ZFPM2: variants seen among roughly 807,000 people sequenced by gnomAD.
ZFPM2 encodes zinc finger protein ZFPM2.
Under a neutral mutation model 98.6 loss-of-function variants are expected in ZFPM2, and 20 were observed. The ratio of observed to expected loss-of-function variants is 0.20; its 90% CI spans 0.14 to 0.29. ZFPM2 has a LOEUF of 0.29. Ranked by LOEUF, ZFPM2 falls within the 10% of genes least tolerant of loss-of-function variation. The pLI, the probability that ZFPM2 is intolerant of heterozygous loss-of-function variation, is 1.00. For missense variants in ZFPM2, 1,310 were observed against 1,388.6 expected (o/e 0.94, Z 0.90); for synonymous variants, 518 against 502.7 (o/e 1.03, Z -0.41).
chr8:105,802,490 T>C lies in ZFPM2; in HGVS notation c.2408T>C (p.Leu803Pro). 1 of 1,612,884 alleles carries C rather than the reference T, an allele frequency of 6.2e-7. No individual in the cohort carries two copies. The highest frequency in any genetic ancestry group is 8.5e-7 in the Non-Finnish European group (1 of 1,179,414). ...GIVSKHLETS[L>P]TINKCVPVSK... ...GTCTCTAAACACTTGGAAACTTCTC[T>C]GACGATCAACAAGTGTGTTCCAGTT... The change falls in exon 8 of 8, where the codon CTG becomes CCG. Residue 803 changes from leucine to proline, a missense_variant. Transcript: ENST00000407775.
chr8:105,724,868 A>C (rs1811769230), intron 5 of ZFPM2, among the ~76,000 whole-genome samples: 1 of 151,702 alleles, frequency 6.6e-6, no homozygotes, highest in East Asian at 1.9e-4. Context: ...TTTCTATGCT[A>C]TGTGATTCAT....
chr8:105,487,839 C>A (rs1813260372), intron 3 of ZFPM2, among the ~76,000 whole-genome samples: 1 of 152,174 alleles, frequency 6.6e-6, no homozygotes, highest in Middle Eastern at 3.4e-3. Context: ...TGCTAAATGA[C>A]CTATACACAT....
intron 5 of ZFPM2, among the ~76,000 whole-genome samples, chr8:105,705,575 A>G (rs1329261542): frequency 6.6e-6 from 1 of 152,224 alleles, no homozygotes; most frequent in Non-Finnish European, 1.5e-5. Flanking sequence ...GCAAATGAAG[A>G]TAAAAATATC....
intron 5 of ZFPM2, among the ~76,000 whole-genome samples, chr8:105,647,885 A>C (rs2130862267): frequency 6.6e-6 from 1 of 152,270 alleles, no homozygotes; most frequent in East Asian, 1.9e-4. Flanking sequence ...TCCTTTGGGT[A>C]TATACCCAGT....
intron 1 of ZFPM2, among the ~76,000 whole-genome samples, chr8:105,321,505 C>T (rs1812024564): frequency 6.6e-6 from 1 of 152,110 alleles, no homozygotes. Context: ...ATAAAACATA[C>T]CCAATTTGAA....
chr8:105,658,868 A>G (rs1817338255), intron 5 of ZFPM2, among the ~76,000 whole-genome samples: 1 of 152,214 alleles, frequency 6.6e-6, no homozygotes, highest in South Asian at 2.1e-4. Context: ...AAAGCCCTGA[A>G]AAATATCAGC....
At chr8:105,673,633 A>T (rs1185488498) in intron 5 of ZFPM2, among the ~76,000 whole-genome samples, 3 of 152,092 alleles carry the variant, frequency 2.0e-5, no homozygotes, top group East Asian at 1.9e-4. Context: ...TCCTCCACTA[A>T]TATTTTTAAA....
Position 105,444,307 on chromosome 8 carries a change from C to G in ZFPM2, c.227C>G (p.Ala76Gly), listed in dbSNP as rs766838792. The change falls in exon 3 of 8, where the codon GCA becomes GGA. Residue 76 changes from alanine (A) to glycine (G), a missense_variant. Transcript: ENST00000407775. ...KGDDEGIQET[A>G]ESDGDTQSEK... ...GATGATGAAGGAATCCAGGAGACAG[C>G]AGAATCAGATGGGGACACACAGTCA... The G allele has an allele frequency of 8.7e-6, 14 of 1,611,592 alleles. 1 individual carries two copies. The South Asian group carries it at 1.2e-4, about 14-fold the overall frequency.
intron 5 of ZFPM2, among the ~76,000 whole-genome samples, chr8:105,735,600 G>A (rs1221566442): frequency 6.6e-6 from 1 of 151,152 alleles, no homozygotes; most frequent in Non-Finnish European, 1.5e-5. Context: ...CCATATTATA[G>A]GAGGAGGTTT....
At chr8:105,764,287 GACACACACACACACACAC>G (rs59943408) in intron 5 of ZFPM2, among the ~76,000 whole-genome samples, 2 of 139,580 alleles carry the variant, frequency 1.4e-5, no homozygotes, top group Middle Eastern at 3.8e-3. Context: ...CTCTCTCTCT[GACACACACACACACACAC>G]ACACACACAC....
intron 5 of ZFPM2, among the ~76,000 whole-genome samples, chr8:105,675,456 A>C (rs2130911608): frequency 6.6e-6 from 1 of 152,310 alleles, no homozygotes; most frequent in South Asian, 2.1e-4. Context: ...TCCTGAGCAA[A>C]GAAGAGTTAG....
chr8:105,418,993 G>A, intron 1 of ZFPM2, 151 bp from the exon 2 acceptor site: 2 of 659,380 alleles, frequency 3.0e-6, no homozygotes, highest in Non-Finnish European at 5.1e-6. Context: ...ATATACGGAT[G>A]TGGCATTATC....
intron 4 of ZFPM2, among the ~76,000 whole-genome samples, chr8:105,599,089 A>G (rs917283332): frequency 9.2e-5 from 14 of 152,210 alleles, no homozygotes; most frequent in African/African-American, 3.4e-4. Flanking sequence ...AAAAATTTAA[A>G]TTACTCATTG....
At chr8:105,327,568 C>A (rs1425419336) in intron 1 of ZFPM2, among the ~76,000 whole-genome samples, 3 of 151,410 alleles carry the variant, frequency 2.0e-5, no homozygotes, top group South Asian at 4.2e-4. Flanking sequence ...TTATTCTATA[C>A]AGAAAAAATA....
At chr8:105,649,264 T>G (rs1383045504) in intron 5 of ZFPM2, among the ~76,000 whole-genome samples, 1 of 152,220 alleles carries the variant, frequency 6.6e-6, no homozygotes, top group Non-Finnish European at 1.5e-5. Context: ...GCTTATCAGC[T>G]TAAGGAGATT....
intron 1 of ZFPM2, among the ~76,000 whole-genome samples, chr8:105,407,225 T>A (rs920092871): frequency 2.0e-5 from 3 of 151,726 alleles, no homozygotes; most frequent in African/African-American, 7.3e-5. Context: ...AGAATGATTT[T>A]TTAAACAGTG....
At chr8:105,707,262 G>GA (rs143466473) in intron 5 of ZFPM2, among the ~76,000 whole-genome samples, 38 of 145,884 alleles carry the variant, frequency 2.6e-4, no homozygotes, top group African/African-American at 7.1e-4. Context: ...AAAAGAAAAA[G>GA]AAAAAAAAAG....
intron 5 of ZFPM2, among the ~76,000 whole-genome samples, chr8:105,637,074 G>T (rs1816860771): frequency 6.6e-6 from 1 of 152,116 alleles, no homozygotes; most frequent in Non-Finnish European, 1.5e-5. Context: ...AATATGTTCT[G>T]TCTGCATTAA....
chr8:105,430,691 T>C (rs1369485029), intron 2 of ZFPM2, among the ~76,000 whole-genome samples: 1 of 152,144 alleles, frequency 6.6e-6, no homozygotes, highest in East Asian at 1.9e-4. Flanking sequence ...GTAGTAAAAA[T>C]AGTCTGAATG....
Sources: gnomAD v4.1 joint callset for allele counts (sites outside exome capture counted in the v4.1 genomes callset) on GRCh38, gnomAD v4.1.1 for gene constraint, MANE v1.5 for transcripts, NCBI Gene and HGNC (gene_info 2026-07-23, HGNC 2026-07-21) for gene names.